NR1H2: variants seen among roughly 807,000 people sequenced by gnomAD.
NR1H2 encodes oxysterols receptor LXR-beta.
A neutral mutation model predicts 51.2 loss-of-function variants in NR1H2; 33 were observed. That is an observed-to-expected ratio of 0.64 (90% CI 0.49 to 0.86). The LOEUF (loss-of-function observed/expected upper bound fraction) is 0.86. Ranked by LOEUF, NR1H2 falls within the 40% of genes least tolerant of loss-of-function variation. The pLI is 0.00. For missense variants in NR1H2, 592 were observed against 639.9 expected (o/e 0.93, Z 0.81); for synonymous variants, 310 against 264.3 (o/e 1.17, Z -1.68).
Position 50,378,435 on chromosome 19 carries a change from G to T in NR1H2, c.468G>T (p.Glu156Asp). The change falls in exon 5 of 10, where the codon GAG becomes GAT. Residue 156 changes from glutamate (E) to aspartate (D), a missense_variant. Glu to Asp is a conservative substitution (Grantham distance 45, BLOSUM62 2). Around this residue, in one of 3 missense-constraint regions of NR1H2, gnomAD observed 316 missense variants for 313.4 expected, o/e 1.01. Coordinates refer to ENST00000253727, the MANE Select transcript of NR1H2 (RefSeq NM_007121.7). ...LRKCKEAGMR[E>D]QCVLSEEQIR... Reference sequence around the variant, plus strand: ...AGTGCAAGGAGGCAGGGATGAGGGAGCAGTGTGAGTGCAGCGGGAGGGGGC... The same window carrying T: ...AGTGCAAGGAGGCAGGGATGAGGGATCAGTGTGAGTGCAGCGGGAGGGGGC... 1 of 1,597,020 alleles carries T rather than the reference G, an allele frequency of 6.3e-7. No homozygotes were observed. Among genetic ancestry groups the T allele is most frequent in the Non-Finnish European group, 8.6e-7 (1 of 1,168,442 alleles).
At chr19:50,377,974 C>G (rs939560374) in intron 4 of NR1H2, 104 bp downstream of exon 4, 10 of 1,458,432 alleles carry the variant, frequency 6.9e-6, no homozygotes, top group African/African-American at 4.2e-5. Context: ...GCTTTTTGTT[C>G]TTGCTTTCTC....
intron 8 of NR1H2, among the ~76,000 whole-genome samples, chr19:50,380,295 C>T (rs2037744806): frequency 6.6e-6 from 1 of 152,196 alleles, no homozygotes; most frequent in Admixed American, 6.5e-5. Flanking sequence ...CCCGCCAAAA[C>T]GTGGTCTCAC....
intron 7 of NR1H2, 27 bp downstream of exon 7, chr19:50,379,208 C>G (rs370513396): frequency 3.3e-5 from 53 of 1,593,758 alleles, no homozygotes; most frequent in Non-Finnish European, 4.0e-5. Context: ...CCACAAGGAA[C>G]CCCAGAGATA....
chr19:50,377,683 C>T, intron 3 of NR1H2, 35 bp downstream of exon 3: 4 of 1,606,634 alleles, frequency 2.5e-6, no homozygotes, highest in Non-Finnish European at 3.4e-6. Flanking sequence ...GCCCTTATCA[C>T]ACACGAGCAG....
rs1393229669 is a variant in NR1H2 at position 50,378,702 on chromosome 19, A to G, written c.653A>G (p.Gln218Arg). The change falls in exon 6 of 10, where the codon CAG (glutamine) becomes CGG (arginine). Residue 218 changes from glutamine (Q) to arginine (R), a missense_variant. By Grantham distance (43) the Gln-to-Arg change is conservative. This residue lies in a region of NR1H2 where 316 missense variants were observed against 313.4 expected (regional missense o/e 1.01). Transcript: ENST00000253727. ...SQGSGEGEGVQLTAAQELMIQ... is the reference protein window; with the variant it reads ...SQGSGEGEGVRLTAAQELMIQ... The stretch of plus-strand genomic sequence containing the variant: ...GGCTCCGGGGAAGGCGAGGGTGTCC[A>G]GCTAACAGCGGCTCAAGAACTAATG... 2.5e-6 allele frequency: 4 copies of G among 1,613,842 alleles called. No individual in the cohort carries two copies. In the East Asian group the frequency reaches 6.7e-5, roughly 27 times the overall value.
chr19:50,378,915 C>T (rs41432149), intron 6 of NR1H2, 87 bp from the exon 7 acceptor site: 499,031 of 1,545,210 alleles, frequency 0.32, 82,696 homozygotes, highest in Admixed American at 0.42. Flanking sequence ...GAAGAGGATC[C>T]CCCAGGGTGC....
In NR1H2 at chr19:50,378,666, C is replaced by T. The variant is rs776660182; in HGVS notation, c.617C>T (p.Ala206Val). 1 of 1,613,912 alleles carries T rather than the reference C, an allele frequency of 6.2e-7. No homozygotes were observed. The highest frequency in any genetic ancestry group is 8.5e-7 in the Non-Finnish European group (1 of 1,180,022). ...GPGASPGGSE[A>V]GSQGSGEGEG... ...GGGGCTTCCCCTGGTGGATCTGAGG[C>T]AGGCAGCCAGGGCTCCGGGGAAGGC... Residue 206 changes from alanine to valine, a missense_variant, in exon 6 of 10, where the codon GCA becomes GTA. Around this residue, in one of 3 missense-constraint regions of NR1H2, gnomAD observed 316 missense variants for 313.4 expected, o/e 1.01. Transcript: ENST00000253727.
rs760385878 is a variant in NR1H2, at chr19:50,378,208, A to G, written c.241A>G (p.Met81Val). ...RKRKKGPAPK[M>V]LGHELCRVCG... ...GCGAAAGAAGGGCCCAGCCCCGAAG[A>G]TGCTGGGCCACGAGCTTTGCCGTGT... is the stretch of plus-strand genomic sequence containing the variant. The change falls in exon 5 of 10, where the codon ATG becomes GTG. Residue 81 changes from methionine to valine, a missense_variant. Met to Val is a conservative substitution (Grantham distance 21). This residue lies in a region of NR1H2 where 316 missense variants were observed against 313.4 expected (regional missense o/e 1.01). Coordinates refer to ENST00000253727, the MANE Select transcript of NR1H2 (RefSeq NM_007121.7). 1 of 1,613,602 alleles carries G rather than the reference A, an allele frequency of 6.2e-7. No individual in the cohort carries two copies.
rs201677292 is a variant in NR1H2, at chr19:50,377,906, G to T, written c.181+36G>T. On this transcript the variant is annotated intron_variant, in intron 4 of 9. Coordinates refer to ENST00000253727, the MANE Select transcript of NR1H2 (RefSeq NM_007121.7). The stretch of plus-strand genomic sequence containing the variant: ...GCCCTGGAGTTGATGTGGGGGCTTG[G>T]GGAGGGGTTTAGGAAGGGAGAAAGA... The T allele has an allele frequency of 7.1e-5, 108 of 1,518,486 alleles. 1 individual carries two copies. The highest frequency in any genetic ancestry group is 3.6e-4 in the Middle Eastern group (2 of 5,546). 94.1% of individuals were successfully genotyped at this position (1,518,486 alleles called of 1,614,324 possible). A position where few individuals can be genotyped will look rare whatever the true frequency, so the allele number is the denominator to read the frequency against.
In NR1H2 at chr19:50,377,799, C is replaced by T. The variant is rs765975052; in HGVS notation, c.110C>T (p.Pro37Leu). Reference protein sequence around the residue: ...SPTVKEEGPEPWPGGPDPDVP... With the variant: ...SPTVKEEGPELWPGGPDPDVP... ...ACTGTAAAGGAGGAGGGTCCGGAGC[C>T]GTGGCCCGGGGGTCCGGACCCTGAT... The change falls in exon 4 of 10, where the codon CCG becomes CTG. Residue 37 changes from proline (P) to leucine (L), a missense_variant. By Grantham distance (98) the Pro-to-Leu change is moderately conservative (BLOSUM62 -3). Transcript: ENST00000253727. The T allele has an allele frequency of 1.1e-5, 18 of 1,610,424 alleles. No homozygotes were observed. The highest frequency in any genetic ancestry group is 3.3e-4 in the Middle Eastern group (2 of 6,062).
chr19:50,377,053 T>G (rs1601137921), intron 2 of NR1H2, among the ~76,000 whole-genome samples: 1 of 43,350 alleles, frequency 2.3e-5, no homozygotes, highest in Non-Finnish European at 4.5e-5. Context: ...GATGGGGACC[T>G]GGAGCGAGGT....
chr19:50,377,497 A>T, intron 2 of NR1H2, 90 bp from the exon 3 acceptor site: 7 of 1,041,352 alleles, frequency 6.7e-6, no homozygotes, highest in Non-Finnish European at 1.0e-5. Context: ...GAGAGATGGA[A>T]AAAAAAGGGA....
intron 8 of NR1H2, among the ~76,000 whole-genome samples, chr19:50,380,790 T>C (rs917313081): frequency 1.7e-4 from 25 of 151,164 alleles, no homozygotes; most frequent in Non-Finnish European, 1.8e-4. Flanking sequence ...GGAGAGGAGG[T>C]CGGGAATCCC....
Position 50,382,183 on chromosome 19 carries a change from C to G in NR1H2, c.1236+9C>G. The stretch of plus-strand genomic sequence containing the variant: ...GCATCAAGAGGCCGCAGGTAGGGCC[C>G]CGCAGAGCCTCTGCGCAGAGCCAAC... On this transcript the variant is annotated intron_variant, in intron 9 of 9. Coordinates refer to ENST00000253727, the MANE Select transcript of NR1H2 (RefSeq NM_007121.7). The G allele has an allele frequency of 6.6e-7, 1 of 1,521,468 alleles. No individual in the cohort carries two copies. The highest frequency in any genetic ancestry group is 8.8e-7 in the Non-Finnish European group (1 of 1,138,230). 94.2% of individuals were successfully genotyped at this position (1,521,468 alleles called of 1,614,324 possible).
chr19:50,380,190 ACT>A (rs2037743407), intron 8 of NR1H2, among the ~76,000 whole-genome samples: 1 of 151,946 alleles, frequency 6.6e-6, no homozygotes, highest in Admixed American at 6.6e-5. Context: ...TTGAGTGCCG[ACT>A]CTGTACATTG....
At position 50,379,889 on chromosome 19, in the gene NR1H2, A is replaced by AG. The variant is rs753681448; in HGVS notation, c.1027+14dup. On this transcript the variant is annotated intron_variant, in intron 8 of 9. Transcript: ENST00000253727. ...GACTTCCACCGTGCAGGTAGGGCCC[A>AG]GGGGAGGCTTCGGGGAGGCTTGGCG... The AG allele has an allele frequency of 6.3e-7, 1 of 1,599,542 alleles. No individual in the cohort carries two copies. Among genetic ancestry groups the AG allele is most frequent in the Non-Finnish European group, 8.6e-7 (1 of 1,166,848 alleles).
rs867368085 is a variant in NR1H2 at position 50,382,005 on chromosome 19, C to T, written c.1067C>T (p.Ser356Leu). ...VEFINPIFEFSRAMRRLGLDD... is the reference protein window; with the variant it reads ...VEFINPIFEFLRAMRRLGLDD... ...TTCATCAACCCCATCTTCGAGTTCT[C>T]GCGGGCCATGCGGCGGCTGGGCCTG... The change falls in exon 9 of 10, where the codon TCG (serine) becomes TTG (leucine). Residue 356 changes from serine (S) to leucine (L), a missense_variant. Around this residue, in one of 3 missense-constraint regions of NR1H2, gnomAD observed 174 missense variants for 174.0 expected, o/e 1.00. Transcript: ENST00000253727. 6.4e-7 allele frequency: 1 copy of T among 1,568,028 alleles called. No individual in the cohort carries two copies. The highest frequency in any genetic ancestry group is 8.7e-7 in the Non-Finnish European group (1 of 1,155,930).
In NR1H2 at chr19:50,380,628, C is replaced by T. The variant is rs1428113009; in HGVS notation, c.1027+749C>T. On this transcript the variant is annotated intron_variant, in intron 8 of 9. Transcript: ENST00000253727. ...TCACCACCCGAGACGGTCCCAGTAA[C>T]CCTTTTAGTATGAGCTTAGCAGGGC... Among the ~76,000 whole-genome samples, 9 of 152,242 alleles carry T rather than the reference C, an allele frequency of 5.9e-5. No homozygotes were observed. The East Asian group carries it at 1.5e-3, about 26-fold the overall frequency.
intron 7 of NR1H2, 138 bp downstream of exon 7, chr19:50,379,319 GA>G: frequency 9.9e-7 from 1 of 1,008,366 alleles, no homozygotes; most frequent in Non-Finnish European, 1.4e-6. Context: ...GCCAAGGAGA[GA>G]AAGGAAAAAG....
Sources: gnomAD v4.1 joint callset for allele counts (sites outside exome capture counted in the v4.1 genomes callset) on GRCh38, gnomAD v4.1.1 for gene constraint, gnomAD v4.1.1 regional missense constraint, MANE v1.5 for transcripts, NCBI Gene and HGNC (gene_info 2026-07-23, HGNC 2026-07-21) for gene names.